Variants in UNC13C observed in about 807,000 individuals in gnomAD.
The protein encoded by UNC13C is unc-13 homolog C, also known as protein unc-13 homolog C.
Under a neutral mutation model 245.4 loss-of-function variants are expected in UNC13C, and 174 were observed. The ratio of observed to expected loss-of-function variants is 0.71; its 90% confidence interval spans 0.63 to 0.80. The LOEUF (loss-of-function observed/expected upper bound fraction) is 0.80, where lower values mean the gene tolerates loss of function less well. UNC13C is among the 30% of genes least tolerant of loss of function. The pLI is 0.00. For synonymous variants in UNC13C, 992 were observed against 895.1 expected, an observed-to-expected ratio of 1.11 and a Z score of -1.93; for missense variants, 2,829 against 2,602.9, an observed-to-expected ratio of 1.09 and a Z score of -1.89.
chr15:54,422,959 A>ACC (rs2040680641), intron 19 of UNC13C, among the ~76,000 whole-genome samples: 1 of 10,492 alleles, frequency 9.5e-5, no homozygotes, highest in South Asian at 3.6e-3. Context: ...GCAATATAGT[A>ACC]CACACACACA....
intron 4 of UNC13C, 100 bp downstream of exon 4, chr15:54,143,784 C>A: frequency 1.3e-6 from 1 of 795,020 alleles, no homozygotes. Context: ...GCATGATTAG[C>A]TAGCCTCATT....
At chr15:54,080,633 A>G (rs1898891479) in intron 2 of UNC13C, among the ~76,000 whole-genome samples, 1 of 151,654 alleles carries the variant, frequency 6.6e-6, no homozygotes, top group South Asian at 2.1e-4. Flanking sequence ...GTCTTTATGG[A>G]TCTTTTGTAT....
At chr15:54,038,890 T>C (rs1192528111) in intron 2 of UNC13C, among the ~76,000 whole-genome samples, 1 of 152,180 alleles carries the variant, frequency 6.6e-6, no homozygotes, top group East Asian at 1.9e-4. Context: ...ACAGTTACAA[T>C]ATAATTGTGG....
intron 2 of UNC13C, among the ~76,000 whole-genome samples, chr15:54,097,047 A>G (rs1899905687): frequency 6.6e-6 from 1 of 152,210 alleles, no homozygotes; most frequent in African/African-American, 2.4e-5. Context: ...CTTAACAAAA[A>G]GTCTCAGGAT....
At chr15:54,510,370 A>G (rs1894679640) in intron 23 of UNC13C, among the ~76,000 whole-genome samples, 2 of 152,154 alleles carry the variant, frequency 1.3e-5, no homozygotes, top group African/African-American at 2.4e-5. Flanking sequence ...TTGGTTCAAG[A>G]TGCTGAATCC....
chr15:54,530,930 A>C (rs954939527), intron 25 of UNC13C, among the ~76,000 whole-genome samples: 5 of 152,168 alleles, frequency 3.3e-5, no homozygotes, highest in African/African-American at 9.7e-5. Context: ...GATTTTTAGC[A>C]AAGGAGGAAC....
At chr15:54,343,255 T>G (rs1385887542) in intron 17 of UNC13C, among the ~76,000 whole-genome samples, 1 of 152,038 alleles carries the variant, frequency 6.6e-6, no homozygotes, top group Non-Finnish European at 1.5e-5. Context: ...TGCCTCAGCC[T>G]CCTGAGTAGC....
chr15:54,020,772 C>T (rs1382050833), intron 2 of UNC13C, among the ~76,000 whole-genome samples: 1 of 152,028 alleles, frequency 6.6e-6, no homozygotes. Context: ...AGGGGATTTT[C>T]CTGTAGAAAC....
chr15:54,523,962 A>T (rs1395924601), intron 24 of UNC13C, among the ~76,000 whole-genome samples: 3 of 152,206 alleles, frequency 2.0e-5, no homozygotes, highest in Non-Finnish European at 2.9e-5. Flanking sequence ...AATATCATTT[A>T]AAAAAATTCA....
At chr15:54,048,532 T>C in intron 2 of UNC13C, 1 of 541,568 alleles carries the variant, frequency 1.8e-6, no homozygotes. Context: ...GGGCCATTTT[T>C]TGACTCTTTA....
At chr15:54,127,984 T>A (rs2031169383) in intron 2 of UNC13C, among the ~76,000 whole-genome samples, 1 of 151,702 alleles carries the variant, frequency 6.6e-6, no homozygotes, top group South Asian at 2.1e-4. Context: ...AATATCTCTC[T>A]CCTCTGAAGA....
chr15:54,126,870 AC>A (rs2031079287), intron 2 of UNC13C, among the ~76,000 whole-genome samples: 1 of 152,234 alleles, frequency 6.6e-6, no homozygotes, highest in South Asian at 2.1e-4. Flanking sequence ...CAAGAAAAAA[AC>A]AACCCCATCA....
chr15:53,948,766 A>G, the UNC13C span, among the ~76,000 whole-genome samples: 2 of 151,954 alleles, frequency 1.3e-5, no homozygotes, highest in Non-Finnish European at 2.9e-5. Context: ...AGGTGAGGAA[A>G]TGACCTTTCA....
the UNC13C span, among the ~76,000 whole-genome samples, chr15:53,957,602 A>G: frequency 6.6e-6 from 1 of 152,178 alleles, no homozygotes; most frequent in Non-Finnish European, 1.5e-5. Context: ...TACAGTAAAA[A>G]ATCCTCCCTT....
At chr15:54,563,178 G>A (rs146194116) in intron 29 of UNC13C, among the ~76,000 whole-genome samples, 88 of 151,930 alleles carry the variant, frequency 5.8e-4, no homozygotes, top group African/African-American at 1.7e-3. Flanking sequence ...CCAGACTACC[G>A]GGACCCTTCT....
intron 1 of UNC13C, among the ~76,000 whole-genome samples, chr15:54,006,403 G>A (rs1396668691): frequency 1.3e-5 from 2 of 152,062 alleles, no homozygotes; most frequent in Non-Finnish European, 2.9e-5. Flanking sequence ...TATTAGCTTA[G>A]GATAAACCTT....
chr15:54,411,128 C>T (rs1414500325), intron 18 of UNC13C, among the ~76,000 whole-genome samples: 16 of 151,924 alleles, frequency 1.1e-4, no homozygotes, highest in Admixed American at 1.0e-3. Context: ...TGTTTATTTC[C>T]CATCTAATTT....
At chr15:53,989,227 A>T (rs889400511) in intron 1 of UNC13C, among the ~76,000 whole-genome samples, 1 of 151,914 alleles carries the variant, frequency 6.6e-6, no homozygotes, top group African/African-American at 2.4e-5. Flanking sequence ...TCATCTAGAC[A>T]CTGTATCTCA....
intron 7 of UNC13C, among the ~76,000 whole-genome samples, chr15:54,247,505 AAG>A (rs1213403412): frequency 6.6e-6 from 1 of 152,144 alleles, no homozygotes; most frequent in East Asian, 1.9e-4. Flanking sequence ...TTGCTGAAAA[AAG>A]AGTGTTTTCG....
Sources: allele counts gnomAD v4.1 joint callset (sites outside exome capture counted in the v4.1 genomes callset), GRCh38; gene constraint gnomAD v4.1.1; transcripts MANE v1.5; gene names NCBI Gene and HGNC (gene_info 2026-07-23, HGNC 2026-07-21).